CDH23: variants seen among roughly 807,000 people sequenced by gnomAD.
The protein encoded by CDH23 is cadherin related 23.
CDH23 carries 189 observed loss-of-function variants against 317.1 expected under a neutral mutation model. The observed-to-expected ratio is 0.60, with a 90% CI of 0.53 to 0.67. The LOEUF (loss-of-function observed/expected upper bound fraction) is 0.67. Among genes scored for constraint, CDH23 ranks in the 30% least tolerant of loss-of-function variants. The probability of loss-of-function intolerance (pLI) is 0.00; values close to 1 mark genes in which losing one functional copy is unlikely to be tolerated. For synonymous variants in CDH23, 1,839 were observed against 1,876.8 expected, an observed-to-expected ratio of 0.98 and a Z score of 0.52; for missense variants, 4,401 against 4,592.4, an observed-to-expected ratio of 0.96 and a Z score of 1.20.
At chr10:71,812,643 A>G in intron 67 of CDH23, 34 bp downstream of exon 67, 1 of 1,613,612 alleles carries the variant, frequency 6.2e-7, no homozygotes, top group Non-Finnish European at 8.5e-7. Flanking sequence ...CACAAGGGGC[A>G]GGGGTGGAGG....
At position 71,799,229 on chromosome 10, in the gene CDH23, A is replaced by C; in HGVS notation, c.7173A>C (p.Glu2391Asp). 1 of 1,614,036 alleles carries C rather than the reference A, an allele frequency of 6.2e-7. No homozygotes were observed. Among genetic ancestry groups the C allele is most frequent in the African/African-American group, 1.3e-5 (1 of 75,058 alleles). Residue 2391 changes from glutamate (E) to aspartate (D), a missense_variant, in exon 51 of 70, where the codon GAA becomes GAC. Around this residue, in one of 3 missense-constraint regions of CDH23, gnomAD observed 189 missense variants for 250.9 expected, o/e 0.75. Coordinates refer to ENST00000224721, the MANE Select transcript of CDH23 (RefSeq NM_022124.6). Reference sequence around the variant, plus strand: ...CAGCTGAGATCCCTGTCTACCTGGAAATCGTGGACATCAATGACAACAACC... The same window carrying C: ...CAGCTGAGATCCCTGTCTACCTGGACATCGTGGACATCAATGACAACAACC... ...PRAAEIPVYL[E>D]IVDINDNNPI...
At chr10:71,617,534 AGGCT>A in intron 11 of CDH23, 141 bp downstream of exon 11, 3 of 1,490,510 alleles carry the variant, frequency 2.0e-6, no homozygotes, top group Admixed American at 4.2e-5. Context: ...AGGATAAATA[AGGCT>A]GAAAAAAAAA....
At chr10:71,471,470 T>C (rs1177425267) in intron 3 of CDH23, among the ~76,000 whole-genome samples, 1 of 152,118 alleles carries the variant, frequency 6.6e-6, no homozygotes, top group Non-Finnish European at 1.5e-5. Flanking sequence ...GCACGCACCC[T>C]CTGCCCCCTT....
At chr10:71,753,150 G>A (rs1021012701) in intron 38 of CDH23, 3 of 836,816 alleles carry the variant, frequency 3.6e-6, no homozygotes, top group Admixed American at 7.6e-5. Context: ...TTTTCACATG[G>A]GTGCTGTCCA....
chr10:71,785,064 G>C lies in CDH23; in HGVS notation c.5676G>C (p.Ala1892=), dbSNP rs774305066. Residue 1892 remains alanine (A), a synonymous_variant, in exon 43 of 70, where the codon GCG becomes GCC. Coordinates refer to ENST00000224721, the MANE Select transcript of CDH23 (RefSeq NM_022124.6). ...CNARLTFNIT[A]GNRERAFFIN... ...CACGCCTCACCTTCAACATCACTGC[G>C]GGCAACCGCGAGCGGGCCTTCTTCA... 5 of 1,614,058 alleles carry C rather than the reference G, an allele frequency of 3.1e-6. No homozygotes were observed. The Admixed American group carries it at 8.3e-5, about 27-fold the overall frequency.
At chr10:71,530,245 C>T (rs1405337376) in intron 6 of CDH23, among the ~76,000 whole-genome samples, 1 of 152,222 alleles carries the variant, frequency 6.6e-6, no homozygotes, top group Non-Finnish European at 1.5e-5. Context: ...TGGCATGTAA[C>T]AAGCCCTCCT....
intron 38 of CDH23, among the ~76,000 whole-genome samples, chr10:71,773,816 T>C (rs1260711325): frequency 1.3e-5 from 2 of 152,174 alleles, no homozygotes; most frequent in South Asian, 2.1e-4. Context: ...TGATAGACGT[T>C]ACCATGGCTT....
chr10:71,415,778 G>A (rs1391399076), intron 1 of CDH23, among the ~76,000 whole-genome samples: 2 of 152,078 alleles, frequency 1.3e-5, no homozygotes, highest in Admixed American at 1.3e-4. Context: ...AAACCTCATT[G>A]CTTTATTTCC....
chr10:71,686,689 T>C (rs554138463), intron 18 of CDH23, among the ~76,000 whole-genome samples: 1 of 152,090 alleles, frequency 6.6e-6, no homozygotes, highest in African/African-American at 2.4e-5. Flanking sequence ...GACTGTAACA[T>C]AAAGACTGCC....
intron 6 of CDH23, among the ~76,000 whole-genome samples, chr10:71,560,781 C>T (rs907984585): frequency 3.9e-5 from 6 of 152,110 alleles, no homozygotes; most frequent in Non-Finnish European, 7.3e-5. Context: ...TCTGATCCAC[C>T]GAGAAGCCTG....
intron 1 of CDH23, among the ~76,000 whole-genome samples, chr10:71,438,195 G>C (rs1447164318): frequency 1.3e-5 from 2 of 149,616 alleles, no homozygotes; most frequent in African/African-American, 4.9e-5. Context: ...ACAAAAAAAT[G>C]AGCCAAGCGT....
intron 1 of CDH23, among the ~76,000 whole-genome samples, chr10:71,431,893 G>C (rs1188409777): frequency 4.6e-5 from 7 of 152,236 alleles, no homozygotes; most frequent in Non-Finnish European, 1.0e-4. Flanking sequence ...CCTGCCCCGG[G>C]AGTTAGGCCC....
At chr10:71,649,723 T>C (rs1243450054) in intron 14 of CDH23, among the ~76,000 whole-genome samples, 2 of 152,222 alleles carry the variant, frequency 1.3e-5, no homozygotes, top group Admixed American at 6.5e-5. Flanking sequence ...GGGTTTTGCA[T>C]ATATGGAGTA....
intron 3 of CDH23, among the ~76,000 whole-genome samples, chr10:71,456,893 A>G (rs1850723785): frequency 6.6e-6 from 1 of 152,190 alleles, no homozygotes; most frequent in African/African-American, 2.4e-5. Context: ...ACCTGAACCT[A>G]TCGCCCTCTG....
At chr10:71,575,843 C>G (rs1393676779) in intron 8 of CDH23, among the ~76,000 whole-genome samples, 1 of 152,270 alleles carries the variant, frequency 6.6e-6, no homozygotes, top group Non-Finnish European at 1.5e-5. Context: ...CCATTCCTCC[C>G]TGTTAATTCC....
chr10:71,506,738 T>A (rs1191265668), intron 3 of CDH23, among the ~76,000 whole-genome samples: 2 of 152,136 alleles, frequency 1.3e-5, no homozygotes, highest in Non-Finnish European at 2.9e-5. Context: ...GCTGGAAAAT[T>A]GCAGGGCGTC....
rs761757340 is a variant in CDH23 at position 71,790,350 on chromosome 10, G to A, written c.5986G>A (p.Ala1996Thr). Residue 1996 changes from alanine to threonine, a missense_variant, in exon 46 of 70, where the codon GCC (alanine) becomes ACC (threonine). This residue lies in a region of CDH23 where 3,068 missense variants were observed against 3,203.3 expected (regional missense o/e 0.96). Transcript: ENST00000224721. ...CCTGGATGCAGACCAAGACATCTAC[G>A]CCGTGGTGACCTACCAGCTGCTGGG... The part of the protein sequence containing the change: ...LALDADQDIY[A>T]VVTYQLLGAQ... The A allele has an allele frequency of 1.5e-5, 25 of 1,613,628 alleles. No homozygotes were observed. The Admixed American group carries it at 1.8e-4, about 12-fold the overall frequency.
intron 32 of CDH23, chr10:71,732,599 C>T: frequency 1.4e-6 from 2 of 1,383,364 alleles, no homozygotes; most frequent in Non-Finnish European, 1.9e-6. Context: ...CACCACTGCA[C>T]TCCAGCCCGG....
At chr10:71,582,709 G>A (rs567972915) in intron 9 of CDH23, among the ~76,000 whole-genome samples, 3 of 152,172 alleles carry the variant, frequency 2.0e-5, no homozygotes, top group Non-Finnish European at 4.4e-5. Context: ...ACCTGATCTC[G>A]TAGCTAAGGC....
Sources: allele counts gnomAD v4.1 joint callset (sites outside exome capture counted in the v4.1 genomes callset), GRCh38; gene constraint gnomAD v4.1.1; regional missense constraint gnomAD v4.1.1; transcripts MANE v1.5; gene names NCBI Gene and HGNC (gene_info 2026-07-23, HGNC 2026-07-21).